The following CDH13 variants were observed in gnomAD, a reference collection of about 807,000 sequenced individuals.
CDH13 encodes cadherin 13, also known as cadherin-13.
Under a neutral mutation model 63.8 loss-of-function variants are expected in CDH13, and 24 were observed. That is an observed-to-expected ratio of 0.38 (90% CI 0.27 to 0.53). The LOEUF is 0.53. Ranked by LOEUF, CDH13 falls within the 20% of genes least tolerant of loss-of-function variation. The pLI is 0.85. For missense variants in CDH13, 1,049 were observed against 903.1 expected (o/e 1.16, Z -2.07); for synonymous variants, 503 against 355.3 (o/e 1.42, Z -4.67).
intron 7 of CDH13, among the ~76,000 whole-genome samples, chr16:83,593,554 A>C (rs989407618): frequency 6.6e-6 from 1 of 151,022 alleles, no homozygotes; most frequent in East Asian, 1.9e-4. Flanking sequence ...TCTATTCATT[A>C]TTTTTTATAT....
chr16:83,547,985 C>T (rs376618119), intron 7 of CDH13, among the ~76,000 whole-genome samples: 1 of 152,154 alleles, frequency 6.6e-6, no homozygotes, highest in African/African-American at 2.4e-5. Context: ...TCCTTGGTAT[C>T]TGCAGAGCAC....
At chr16:83,073,354 T>TGAGAGAGA (rs58505161) in intron 3 of CDH13, among the ~76,000 whole-genome samples, 245 of 139,840 alleles carry the variant, frequency 1.8e-3, no homozygotes, top group East Asian at 6.9e-3. Flanking sequence ...TGTGTGTGTG[T>TGAGAGAGA]GAGAGAGAGA....
intron 6 of CDH13, among the ~76,000 whole-genome samples, chr16:83,443,544 A>G (rs1232411197): frequency 3.3e-5 from 5 of 151,886 alleles, no homozygotes; most frequent in Non-Finnish European, 7.4e-5. Flanking sequence ...CAAGATTATC[A>G]TGTTGAGTAT....
chr16:83,543,631 G>C lies in CDH13; in HGVS notation c.960+56976G>C, dbSNP rs1432238152. On this transcript the variant is annotated intron_variant, in intron 7 of 13. Transcript: ENST00000567109. ...CCTAAGTCAGTGGTTCTCAACTGGG[G>C]GTGATTGTGCTCCTCAGGGGACAGA... Among the ~76,000 whole-genome samples, 7 of 152,238 alleles carry C rather than the reference G, an allele frequency of 4.6e-5. No individual in the cohort carries two copies. The East Asian group carries it at 1.2e-3, about 25-fold the overall frequency.
At chr16:83,200,363 T>C (rs967613984) in intron 4 of CDH13, among the ~76,000 whole-genome samples, 2 of 152,190 alleles carry the variant, frequency 1.3e-5, no homozygotes, top group Non-Finnish European at 2.9e-5. Context: ...ACCAGTCTCC[T>C]TTTCTGCTGG....
intron 5 of CDH13, among the ~76,000 whole-genome samples, chr16:83,231,919 G>A (rs1046534090): frequency 1.3e-5 from 2 of 152,146 alleles, no homozygotes; most frequent in Non-Finnish European, 1.5e-5. Flanking sequence ...TTCTTGCTCA[G>A]CTATTTCACA....
Position 83,780,103 on chromosome 16 carries a change from C to G in CDH13, c.1817C>G (p.Ala606Gly), listed in dbSNP as rs1478337222. 3 of 1,613,788 alleles carry G rather than the reference C, an allele frequency of 1.9e-6. No homozygotes were observed. The highest frequency in any genetic ancestry group is 3.3e-5 in the Admixed American group (2 of 59,998). ...AACCTCAGTGTAGTCATTTTGGGAG[C>G]ATCAGATAAGGATCTTCACCCGAAT... Reference protein sequence around the residue: ...AKNLSVVILGASDKDLHPNTD... With the variant: ...AKNLSVVILGGSDKDLHPNTD... Residue 606 changes from alanine to glycine, a missense_variant, in exon 12 of 14, where the codon GCA becomes GGA. Ala to Gly is a moderately conservative substitution (Grantham distance 60). Transcript: ENST00000567109.
intron 2 of CDH13, among the ~76,000 whole-genome samples, chr16:83,023,845 G>C (rs976967322): frequency 6.6e-6 from 1 of 152,176 alleles, no homozygotes; most frequent in African/African-American, 2.4e-5. Context: ...AGAATGTAGA[G>C]TCTGTTTTCT....
intron 7 of CDH13, among the ~76,000 whole-genome samples, chr16:83,517,936 T>C (rs1159814642): frequency 1.3e-5 from 2 of 152,132 alleles, no homozygotes; most frequent in African/African-American, 2.4e-5. Flanking sequence ...ATTTTACAGA[T>C]AAGAAAACTG....
intron 8 of CDH13, among the ~76,000 whole-genome samples, chr16:83,630,558 C>T (rs1226378657): frequency 2.0e-5 from 3 of 152,112 alleles, no homozygotes; most frequent in Admixed American, 6.5e-5. Context: ...TCAAAGACGG[C>T]GGTAGAGGAA....
At chr16:83,430,689 C>G (rs2072072088) in intron 6 of CDH13, among the ~76,000 whole-genome samples, 1 of 152,106 alleles carries the variant, frequency 6.6e-6, no homozygotes, top group African/African-American at 2.4e-5. Flanking sequence ...AAAGTTCTTT[C>G]TCAACAAGGA....
intron 3 of CDH13, among the ~76,000 whole-genome samples, chr16:83,050,562 C>T (rs1348708656): frequency 1.3e-5 from 2 of 152,166 alleles, no homozygotes. Context: ...CTGTCCATTT[C>T]CTGTCTTGAT....
chr16:83,492,592 A>G (rs2074040391), intron 7 of CDH13, among the ~76,000 whole-genome samples: 1 of 152,210 alleles, frequency 6.6e-6, no homozygotes, highest in African/African-American at 2.4e-5. Context: ...ATCCTTTCAA[A>G]TGAAACACAG....
At chr16:83,565,923 A>G (rs1449626179) in intron 7 of CDH13, among the ~76,000 whole-genome samples, 2 of 152,150 alleles carry the variant, frequency 1.3e-5, no homozygotes, top group Non-Finnish European at 2.9e-5. Context: ...TAAATGTGTA[A>G]CTTGTCTGAT....
chr16:83,288,929 A>T (rs1235342534), intron 5 of CDH13, among the ~76,000 whole-genome samples: 1 of 152,190 alleles, frequency 6.6e-6, no homozygotes, highest in East Asian at 1.9e-4. Flanking sequence ...CATAATGGAG[A>T]TGTCACTTAT....
intron 2 of CDH13, among the ~76,000 whole-genome samples, chr16:82,902,922 G>A (rs1046364536): frequency 4.6e-5 from 7 of 152,312 alleles, no homozygotes; most frequent in Middle Eastern, 3.4e-3. Context: ...AATTGGATGG[G>A]TCTTGGAGAA....
rs985590658 is a variant in CDH13 at position 83,723,677 on chromosome 16, T to C, written c.1539-24431T>C. On this transcript the variant is annotated intron_variant, in intron 10 of 13. Transcript: ENST00000567109. ...CAGAGCACATACCACTCTCTGAAGT[T>C]ATCGTATTGTGTGTTAACTATTTTT... Among the ~76,000 whole-genome samples the C allele has an allele frequency of 5.3e-5, 8 of 152,270 alleles. No individual in the cohort carries two copies. In the East Asian group the frequency reaches 1.5e-3, roughly 29 times the overall value.
intron 3 of CDH13, among the ~76,000 whole-genome samples, chr16:83,058,381 G>C (rs2031171387): frequency 6.6e-6 from 1 of 152,322 alleles, no homozygotes; most frequent in African/African-American, 2.4e-5. Context: ...CAAGAAAAGT[G>C]TTTGTTCTTC....
chr16:83,022,245 G>T (rs1016429905), intron 2 of CDH13, among the ~76,000 whole-genome samples: 2 of 152,226 alleles, frequency 1.3e-5, no homozygotes, highest in African/African-American at 4.8e-5. Flanking sequence ...CAAAGGCTTT[G>T]CAGATTAACC....
Sources: gnomAD v4.1 joint callset for allele counts (sites outside exome capture counted in the v4.1 genomes callset) on GRCh38, gnomAD v4.1.1 for gene constraint, MANE v1.5 for transcripts, NCBI Gene and HGNC (gene_info 2026-07-23, HGNC 2026-07-21) for gene names.